Variants in KCNH3 observed in about 807,000 individuals in gnomAD.
KCNH3 encodes the protein voltage-gated inwardly rectifying potassium channel KCNH3.
Under a neutral mutation model 95.6 loss-of-function variants are expected in KCNH3, and 36 were observed. That is an observed-to-expected ratio of 0.38 (90% CI 0.29 to 0.50). The LOEUF is 0.50. Ranked by LOEUF, KCNH3 falls within the 20% of genes least tolerant of loss-of-function variation. KCNH3 has a pLI of 0.95. For synonymous variants in KCNH3, 620 were observed against 646.3 expected (o/e 0.96, Z 0.62); for missense variants, 1,030 against 1,484.1 (o/e 0.69, Z 5.03).
intron 7 of KCNH3, among the ~76,000 whole-genome samples, chr12:49,547,979 A>C (rs1321466108): frequency 6.6e-6 from 1 of 152,186 alleles, no homozygotes; most frequent in Non-Finnish European, 1.5e-5. Flanking sequence ...CTCCCAGCAC[A>C]CAGCCTTGGG....
chr12:49,542,221 T>C (rs1051199480), intron 3 of KCNH3, among the ~76,000 whole-genome samples: 1 of 152,172 alleles, frequency 6.6e-6, no homozygotes, highest in African/African-American at 2.4e-5. Context: ...CAAGGCCTCT[T>C]TGCCATTTGG....
At position 49,558,072 on chromosome 12, in the gene KCNH3, G is replaced by A; in HGVS notation, c.*119G>A. The A allele has an allele frequency of 8.3e-7, 1 of 1,211,472 alleles. No individual in the cohort carries two copies. The highest frequency in any genetic ancestry group is 1.1e-6 in the Non-Finnish European group (1 of 917,538). 75.0% of individuals were successfully genotyped at this position (1,211,472 alleles called of 1,614,324 possible). The stretch of plus-strand genomic sequence containing the variant: ...ACTCCATGCGGCCCGCTGGCTCAGG[G>A]CAGGGAGCCTGGAAGCAAAGGAGGA... On this transcript the variant is annotated 3_prime_UTR_variant, in exon 15 of 15. Transcript: ENST00000257981.
chr12:49,541,570 C>T, intron 2 of KCNH3, 60 bp from the exon 3 acceptor site: 2 of 1,590,666 alleles, frequency 1.3e-6, no homozygotes, highest in Non-Finnish European at 1.7e-6. Flanking sequence ...GAGCCAGGGC[C>T]TCTGTCACCT....
chr12:49,547,711 T>C (rs1043142418), intron 7 of KCNH3, among the ~76,000 whole-genome samples: 3 of 152,008 alleles, frequency 2.0e-5, no homozygotes, highest in Non-Finnish European at 4.4e-5. Flanking sequence ...GCCTGAAGTG[T>C]TGGGGAGAGT....
chr12:49,546,842 T>C (rs1403377642), intron 7 of KCNH3, among the ~76,000 whole-genome samples: 3 of 152,306 alleles, frequency 2.0e-5, no homozygotes, highest in Non-Finnish European at 4.4e-5. Flanking sequence ...TTTGGGTAGC[T>C]TCACCCTCAG....
At chr12:49,542,329 A>G (rs1201592911) in intron 3 of KCNH3, among the ~76,000 whole-genome samples, 3 of 152,164 alleles carry the variant, frequency 2.0e-5, no homozygotes, top group African/African-American at 7.2e-5. Context: ...TGGTCCCTGC[A>G]CTAGCTCCTG....
At chr12:49,546,887 G>A (rs1442893315) in intron 7 of KCNH3, among the ~76,000 whole-genome samples, 1 of 152,068 alleles carries the variant, frequency 6.6e-6, no homozygotes, top group African/African-American at 2.4e-5. Context: ...AGAGTTTTAC[G>A]TACTCCAATT....
intron 9 of KCNH3, 114 bp downstream of exon 9, chr12:49,549,754 C>T (rs923281648): frequency 1.1e-5 from 11 of 1,045,990 alleles, no homozygotes; most frequent in Non-Finnish European, 1.5e-5. Flanking sequence ...CCTGTGCCTC[C>T]CTTCTCTCTT....
chr12:49,549,489 G>C lies in KCNH3; in HGVS notation c.1517G>C (p.Arg506Pro). Reference sequence around the variant, plus strand: ...GGGAACGTGACGGCCATCATCCAGCGCATGTACGCCCGCCGCTTTCTGTAC... The same window carrying C: ...GGGAACGTGACGGCCATCATCCAGCCCATGTACGCCCGCCGCTTTCTGTAC... ...VFGNVTAIIQ[R>P]MYARRFLYHS... Residue 506 changes from arginine to proline, a missense_variant, in exon 9 of 15, where the codon CGC becomes CCC. Physicochemically the swap from Arg to Pro is moderately radical, Grantham distance 103. Coordinates refer to ENST00000257981, the MANE Select transcript of KCNH3 (RefSeq NM_012284.3). 6.2e-7 allele frequency: 1 copy of C among 1,613,390 alleles called. No individual in the cohort carries two copies.
chr12:49,557,347 C>T lies in KCNH3; in HGVS notation c.2653-7C>T. ...CATTCTGACCTCGCCTCCTCCCTCC[C>T]CCAAAGGTGACAGAGCTGTCAGAGC... On this transcript the variant is annotated splice_region_variant and splice_polypyrimidine_tract_variant and intron_variant, in intron 14 of 14. Transcript: ENST00000257981. 1.2e-6 allele frequency: 2 copies of T among 1,608,950 alleles called. No homozygotes were observed. The highest frequency in any genetic ancestry group is 1.7e-4 in the Middle Eastern group (1 of 6,040).
At chr12:49,553,938 A>G (rs1275380619) in intron 10 of KCNH3, among the ~76,000 whole-genome samples, 1 of 152,236 alleles carries the variant, frequency 6.6e-6, no homozygotes, top group Non-Finnish European at 1.5e-5. Flanking sequence ...TCTCCCATAG[A>G]TACTGTGACG....
rs1937810805 is a variant in KCNH3 at position 49,539,848 on chromosome 12, CG to C, written c.76+357del. 6.6e-6 allele frequency among the ~76,000 whole-genome samples: 1 copy of C among 152,124 alleles called. No homozygotes were observed. The highest frequency in any genetic ancestry group is 1.9e-4 in the East Asian group (1 of 5,186). Reference sequence around the variant, plus strand: ...CTACCCTCGGACTGGTGGGGTAAGGCGAGGCGGGTGAACAGTGCTCAGGGAC... The same window carrying C: ...CTACCCTCGGACTGGTGGGGTAAGGCAGGCGGGTGAACAGTGCTCAGGGAC... On this transcript the variant is annotated intron_variant, in intron 1 of 14. Coordinates refer to ENST00000257981, the MANE Select transcript of KCNH3 (RefSeq NM_012284.3). The surrounding 1 kb of genome is among the most constrained non-coding windows in gnomAD (Gnocchi z 6.7).
chr12:49,550,140 G>A lies in KCNH3; in HGVS notation c.1729G>A (p.Val577Ile). The part of the protein sequence containing the change: ...ADIAMHLHKE[V>I]LQLPLFEAAS... ...CATCGCCATGCACCTGCACAAGGAGGTCCTGCAGCTGCCACTGTTTGAGGC... is the reference window on the plus strand; with the variant it reads ...CATCGCCATGCACCTGCACAAGGAGATCCTGCAGCTGCCACTGTTTGAGGC... The change falls in exon 10 of 15, where the codon GTC (valine) becomes ATC (isoleucine). Residue 577 changes from valine to isoleucine, a missense_variant. Val to Ile is a conservative substitution (Grantham distance 29). Transcript: ENST00000257981. 1.2e-6 allele frequency: 2 copies of A among 1,609,418 alleles called. No homozygotes were observed. The highest frequency in any genetic ancestry group is 8.5e-7 in the Non-Finnish European group (1 of 1,179,588).
chr12:49,556,495 G>T lies in KCNH3; in HGVS notation c.2575+19G>T. The T allele has an allele frequency of 6.4e-7, 1 of 1,559,656 alleles. No homozygotes were observed. Among genetic ancestry groups the T allele is most frequent in the Non-Finnish European group, 8.8e-7 (1 of 1,130,662 alleles). The stretch of plus-strand genomic sequence containing the variant: ...GGACCAGGTACCAGGGCCCCGGGAT[G>T]GTCTAGGTTGGTGGGGCAGCCCCTT... On this transcript the variant is annotated intron_variant, in intron 13 of 14. Transcript: ENST00000257981.
Position 49,540,913 on chromosome 12 carries a change from C to T in KCNH3, c.91C>T (p.Leu31=). The change falls in exon 2 of 15, where the codon CTG becomes TTG. Residue 31 remains leucine, a synonymous_variant. Coordinates refer to ENST00000257981, the MANE Select transcript of KCNH3 (RefSeq NM_012284.3). ...RFDGTHSNFV[L]GNAQVAGLFP... ...CTCTCTTGCAGACAGTAACTTCGTG[C>T]TGGGCAACGCCCAGGTGGCGGGGCT... The T allele has an allele frequency of 1.9e-6, 3 of 1,614,118 alleles. No individual in the cohort carries two copies. The highest frequency in any genetic ancestry group is 1.7e-6 in the Non-Finnish European group (2 of 1,179,994).
chr12:49,549,814 C>T (rs1344181613), intron 9 of KCNH3, among the ~76,000 whole-genome samples, 174 bp downstream of exon 9: 1 of 152,194 alleles, frequency 6.6e-6, no homozygotes, highest in Non-Finnish European at 1.5e-5. Flanking sequence ...CTTGGAGGGC[C>T]CTCTGAACCG....
rs571808041 is a variant in KCNH3, at chr12:49,540,933, G to A, written c.111G>A (p.Ala37=). 6.2e-7 allele frequency: 1 copy of A among 1,614,174 alleles called. No homozygotes were observed. The change falls in exon 2 of 15, where the codon GCG becomes GCA. Residue 37 remains alanine (A), a synonymous_variant. Coordinates refer to ENST00000257981, the MANE Select transcript of KCNH3 (RefSeq NM_012284.3). ...TCGTGCTGGGCAACGCCCAGGTGGC[G>A]GGGCTCTTCCCCGTGGTCTACTGCT... The part of the protein sequence containing the change: ...SNFVLGNAQV[A]GLFPVVYCSD...
chr12:49,540,304 C>T (rs1937828692), intron 1 of KCNH3, among the ~76,000 whole-genome samples: 1 of 152,186 alleles, frequency 6.6e-6, no homozygotes, highest in African/African-American at 2.4e-5. Context: ...TGATTCAGTG[C>T]CCCCCACTCC....
In KCNH3 at chr12:49,543,800, C is replaced by T. The variant is rs796239334; in HGVS notation, c.824-115C>T. 102 of 1,355,360 alleles carry T rather than the reference C, an allele frequency of 7.5e-5. 1 individual carries two copies. In the East Asian group the frequency reaches 1.8e-3, roughly 24 times the overall value. The allele number at this position is 1,355,360 out of a possible 1,614,324, so 84.0% of individuals were successfully genotyped here. On this transcript the variant is annotated intron_variant, in intron 5 of 14. Coordinates refer to ENST00000257981, the MANE Select transcript of KCNH3 (RefSeq NM_012284.3). ...GTTACAGTTACTGTGAGAACTAAGA[C>T]GATGTATGGGAAGGGCCGGGGACAG...
Sources: allele counts gnomAD v4.1 joint callset (sites outside exome capture counted in the v4.1 genomes callset), GRCh38; gene constraint gnomAD v4.1.1; non-coding constraint Gnocchi (gnomAD v3.1); transcripts MANE v1.5; gene names NCBI Gene and HGNC (gene_info 2026-07-23, HGNC 2026-07-21).